The following CATSPER3 variants were observed in gnomAD, a reference collection of about 807,000 sequenced individuals.
The protein encoded by CATSPER3 is cation channel sperm associated 3, also known as cation channel sperm-associated protein 3.
A neutral mutation model predicts 36.6 loss-of-function variants in CATSPER3; 23 were observed. The observed-to-expected ratio is 0.63, with a 90% CI of 0.45 to 0.89. The LOEUF (loss-of-function observed/expected upper bound fraction) is 0.89. Ranked by LOEUF, CATSPER3 falls within the 40% of genes least tolerant of loss-of-function variation. CATSPER3 has a pLI of 0.00. For missense variants in CATSPER3, 474 were observed against 503.9 expected, an observed-to-expected ratio of 0.94 and a Z score of 0.57; for synonymous variants, 172 against 184.1, an observed-to-expected ratio of 0.93 and a Z score of 0.53.
chr5:135,011,347 G>T (rs1752177554), intron 7 of CATSPER3, among the ~76,000 whole-genome samples, 174 bp from the exon 8 acceptor site: 1 of 152,170 alleles, frequency 6.6e-6, no homozygotes, highest in South Asian at 2.1e-4. Flanking sequence ...GCTCCAGGGG[G>T]CCCCAGGCAG....
rs1751581757 is a variant in CATSPER3, at chr5:134,970,012, A to G, written c.172A>G (p.Ser58Gly). 1 of 1,614,052 alleles carries G rather than the reference A, an allele frequency of 6.2e-7. No homozygotes were observed. The highest frequency in any genetic ancestry group is 2.2e-5 in the East Asian group (1 of 44,878). Reference sequence around the variant, plus strand: ...CCGTTTCTTTAAGATAATTATGATTAGCACTGTCACATCGAATGCGTTTTT... The same window carrying G: ...CCGTTTCTTTAAGATAATTATGATTGGCACTGTCACATCGAATGCGTTTTT... ...MSRFFKIIMISTVTSNAFFMA... is the reference protein window; with the variant it reads ...MSRFFKIIMIGTVTSNAFFMA... The change falls in exon 2 of 8, where the codon AGC becomes GGC. Residue 58 changes from serine (S) to glycine (G), a missense_variant. Ser to Gly is a moderately conservative substitution (Grantham distance 56, BLOSUM62 0). Coordinates refer to ENST00000282611, the MANE Select transcript of CATSPER3 (RefSeq NM_178019.3).
At chr5:135,005,371 C>T (rs1226586514) in intron 3 of CATSPER3, among the ~76,000 whole-genome samples, 2 of 152,182 alleles carry the variant, frequency 1.3e-5, no homozygotes, top group Admixed American at 6.5e-5. Flanking sequence ...GTTTTTCTGT[C>T]ATTAAGCAGG....
intron 3 of CATSPER3, among the ~76,000 whole-genome samples, chr5:135,002,823 T>C (rs1752038793): frequency 6.6e-6 from 1 of 152,248 alleles, no homozygotes; most frequent in South Asian, 2.1e-4. Flanking sequence ...TAAGGCCTTC[T>C]CTACACTGGT....
At chr5:135,002,633 C>G (rs895770795) in intron 3 of CATSPER3, among the ~76,000 whole-genome samples, 2 of 152,200 alleles carry the variant, frequency 1.3e-5, no homozygotes. Flanking sequence ...TTCACATAGT[C>G]CCATATTTCT....
Position 134,996,312 on chromosome 5 carries a change from T to G in CATSPER3, c.292T>G (p.Leu98Val). 6.2e-7 allele frequency: 1 copy of G among 1,614,232 alleles called. No individual in the cohort carries two copies. The highest frequency in any genetic ancestry group is 1.3e-5 in the African/African-American group (1 of 75,058). Residue 98 changes from leucine (L) to valine (V), a missense_variant, in exon 3 of 8, where the codon TTG (leucine) becomes GTG (valine). Leu to Val is a conservative substitution (Grantham distance 32). Transcript: ENST00000282611. ...IFFVSICTSE[L>V]SMKVYVDPIN... ...CTTTGTGTCCATCTGCACATCTGAG[T>G]TGTCCATGAAGGTCTATGTGGACCC...
intron 2 of CATSPER3, among the ~76,000 whole-genome samples, chr5:134,988,669 T>A (rs1350351020): frequency 6.6e-6 from 1 of 152,206 alleles, no homozygotes; most frequent in African/African-American, 2.4e-5. Flanking sequence ...GCTCCATTTC[T>A]AATTCTAGTT....
intron 2 of CATSPER3, among the ~76,000 whole-genome samples, chr5:134,973,218 A>G (rs1308663459): frequency 6.6e-6 from 1 of 152,222 alleles, no homozygotes; most frequent in Non-Finnish European, 1.5e-5. Context: ...AGTTATTTGT[A>G]GAACTAATAT....
chr5:134,985,688 C>G (rs781664882), intron 2 of CATSPER3, among the ~76,000 whole-genome samples: 1 of 151,646 alleles, frequency 6.6e-6, no homozygotes, highest in Non-Finnish European at 1.5e-5. Context: ...ATGGGAGGAT[C>G]ACTTAAGTCC....
intron 2 of CATSPER3, among the ~76,000 whole-genome samples, chr5:134,987,432 C>G (rs1751825454): frequency 6.6e-6 from 1 of 152,178 alleles, no homozygotes; most frequent in Non-Finnish European, 1.5e-5. Flanking sequence ...ACCAATTCTT[C>G]CCAAACTCTA....
chr5:134,968,052 A>AC lies in CATSPER3; in HGVS notation c.62dup (p.Ser22IlefsTer12). 1 of 1,614,022 alleles carries AC rather than the reference A, an allele frequency of 6.2e-7. No homozygotes were observed. The highest frequency in any genetic ancestry group is 8.5e-7 in the Non-Finnish European group (1 of 1,179,854). On this transcript the variant is annotated frameshift_variant, in exon 1 of 8. Transcript: ENST00000282611. LOFTEE classifies it high-confidence loss of function. The stretch of plus-strand genomic sequence containing the variant: ...CATTTCTAGTTCACCAGTTGACACT[A>AC]CATCGGTGGGATTTTGCCCAACATT...
chr5:134,990,282 A>G (rs1751862022), intron 2 of CATSPER3, among the ~76,000 whole-genome samples: 1 of 152,210 alleles, frequency 6.6e-6, no homozygotes, highest in Non-Finnish European at 1.5e-5. Flanking sequence ...GACGTGAGAC[A>G]TCATTCAACA....
intron 3 of CATSPER3, among the ~76,000 whole-genome samples, chr5:134,998,800 G>T (rs1279984718): frequency 6.6e-6 from 1 of 152,110 alleles, no homozygotes; most frequent in Non-Finnish European, 1.5e-5. Flanking sequence ...AGTTCTTTGA[G>T]ATTCTGGATA....
In CATSPER3 at chr5:135,009,362, ACT is replaced by A; in HGVS notation, c.817-4_817-3del. 1 of 1,612,964 alleles carries A rather than the reference ACT, an allele frequency of 6.2e-7. No homozygotes were observed. The highest frequency in any genetic ancestry group is 8.5e-7 in the Non-Finnish European group (1 of 1,179,512). On this transcript the variant is annotated splice_polypyrimidine_tract_variant and splice_region_variant and intron_variant, in intron 5 of 7. Transcript: ENST00000282611. ...GCCTGTAGTTGACCTCCATCGTCTGACTCTCTAGGACTCCATCAGAAAGTTTG... is the reference window on the plus strand; with the variant it reads ...GCCTGTAGTTGACCTCCATCGTCTGACTCTAGGACTCCATCAGAAAGTTTG...
At chr5:134,997,940 T>C (rs1203320233) in intron 3 of CATSPER3, among the ~76,000 whole-genome samples, 1 of 152,232 alleles carries the variant, frequency 6.6e-6, no homozygotes, top group African/African-American at 2.4e-5. Context: ...TTAAAAATTA[T>C]TCTTTAAGTT....
chr5:134,991,006 T>G (rs1415419480), intron 2 of CATSPER3, among the ~76,000 whole-genome samples: 1 of 152,134 alleles, frequency 6.6e-6, no homozygotes, highest in African/African-American at 2.4e-5. Context: ...CACTATCAAT[T>G]AACAATCTGA....
rs569896016 is a variant in CATSPER3 at position 134,968,262 on chromosome 5, C to G, written c.98+173C>G. ...ATTGGTGAGGCTGGCATGCTATTAC[C>G]TTTATGTGCCCTGTAGACTTGAATG... On this transcript the variant is annotated intron_variant, in intron 1 of 7. Transcript: ENST00000282611. 3.1e-5 allele frequency: 20 copies of G among 637,324 alleles called. No homozygotes were observed. In the East Asian group the frequency reaches 4.8e-4, roughly 15 times the overall value. 39.5% of individuals were successfully genotyped at this position (637,324 alleles called of 1,614,324 possible).
chr5:134,994,725 T>C (rs1367614734), intron 2 of CATSPER3, among the ~76,000 whole-genome samples: 1 of 152,246 alleles, frequency 6.6e-6, no homozygotes, highest in Non-Finnish European at 1.5e-5. Flanking sequence ...TTTGCTTGTC[T>C]AACCACCTCT....
intron 6 of CATSPER3, 59 bp downstream of exon 6, chr5:135,009,549 A>G (rs192262385): frequency 4.8e-4 from 196 of 411,130 alleles, no homozygotes; most frequent in Middle Eastern, 7.5e-4. Context: ...GGCTGATGAG[A>G]TGGCCAGGAG....
chr5:135,000,035 G>A (rs1156701450), intron 3 of CATSPER3, among the ~76,000 whole-genome samples: 7 of 152,142 alleles, frequency 4.6e-5, no homozygotes, highest in Non-Finnish European at 4.4e-5. Context: ...GTATGGTATC[G>A]GCTGTGGATT....
Sources: gnomAD v4.1 joint callset for allele counts (sites outside exome capture counted in the v4.1 genomes callset) on GRCh38, gnomAD v4.1.1 for gene constraint, MANE v1.5 for transcripts, NCBI Gene and HGNC (gene_info 2026-07-23, HGNC 2026-07-21) for gene names.